NF1: variants seen among roughly 807,000 people sequenced by gnomAD.
The protein encoded by NF1 is neurofibromin 1.
In NF1, 122 loss-of-function variants were observed where a neutral mutation model predicts 325.7. The observed-to-expected ratio is 0.37, with a 90% CI of 0.32 to 0.44. NF1 has a LOEUF of 0.44. Among genes scored for constraint, NF1 ranks in the 20% least tolerant of loss-of-function variants. The probability of loss-of-function intolerance (pLI) is 1.00; values close to 1 mark genes in which losing one functional copy is unlikely to be tolerated. For missense variants in NF1, 2,140 were observed against 3,415.4 expected, an observed-to-expected ratio of 0.63 and a Z score of 9.31; for synonymous variants, 1,091 against 1,186.0, an observed-to-expected ratio of 0.92 and a Z score of 1.65.
rs148228747 is a variant in NF1 at position 31,186,411 on chromosome 17, A to G, written c.888+3746A>G. Among the ~76,000 whole-genome samples, 1,028 of 152,324 alleles carry G rather than the reference A, an allele frequency of 6.7e-3. 17 individuals carry two copies. The highest frequency in any genetic ancestry group is 0.023 in the African/African-American group (963 of 41,576). ...CCCTGAAGCATAGTGGTGAAGGGGA[A>G]TCTTCCCAGTGGGCAGAACTTTGAG... On this transcript the variant is annotated intron_variant, in intron 8 of 57. Coordinates refer to ENST00000358273, the MANE Select transcript of NF1 (RefSeq NM_001042492.3).
At chr17:31,204,524 A>T (rs944330304) in intron 11 of NF1, among the ~76,000 whole-genome samples, 2 of 152,084 alleles carry the variant, frequency 1.3e-5, no homozygotes, top group Non-Finnish European at 2.9e-5. Context: ...CAACCACATG[A>T]TGTCTAGTTT....
chr17:31,141,848 C>G (rs1313622070), intron 1 of NF1, among the ~76,000 whole-genome samples: 1 of 152,130 alleles, frequency 6.6e-6, no homozygotes, highest in Non-Finnish European at 1.5e-5. Flanking sequence ...GACTTAATTC[C>G]GTTTCTTGTG....
intron 29 of NF1, among the ~76,000 whole-genome samples, chr17:31,246,754 G>GA (rs1165443735): frequency 6.6e-6 from 1 of 152,086 alleles, no homozygotes; most frequent in Non-Finnish European, 1.5e-5. Flanking sequence ...TTATTGATGA[G>GA]AAAAAATGAC....
intron 8 of NF1, among the ~76,000 whole-genome samples, chr17:31,192,800 G>A (rs928311957): frequency 2.0e-5 from 3 of 152,136 alleles, no homozygotes; most frequent in Admixed American, 6.5e-5. Flanking sequence ...GAGTCAGATT[G>A]AAAAGTAAGT....
chr17:31,218,567 C>CTTTTTTCT (rs1015906893), intron 13 of NF1, among the ~76,000 whole-genome samples: 1 of 149,048 alleles, frequency 6.7e-6, no homozygotes, highest in Non-Finnish European at 1.5e-5. Context: ...TCTTTTTTTT[C>CTTTTTTCT]TTTTTTCTTT....
intron 36 of NF1, chr17:31,295,457 A>G (rs1238372879): frequency 6.2e-7 from 1 of 1,614,132 alleles, no homozygotes; most frequent in Admixed American, 1.7e-5. Context: ...TACCACACTC[A>G]GAGAGTTAAT....
intron 8 of NF1, among the ~76,000 whole-genome samples, chr17:31,198,538 G>A (rs1464692609): frequency 6.6e-6 from 1 of 151,656 alleles, no homozygotes; most frequent in Non-Finnish European, 1.5e-5. Context: ...CAAATTGTTG[G>A]CATACAGTTT....
At chr17:31,365,430 C>G (rs1333930851) in intron 57 of NF1, among the ~76,000 whole-genome samples, 1 of 151,870 alleles carries the variant, frequency 6.6e-6, no homozygotes, top group Non-Finnish European at 1.5e-5. Context: ...ATTTGAATAC[C>G]TGTTTTGTAG....
chr17:31,178,987 G>A (rs977693421), intron 5 of NF1, among the ~76,000 whole-genome samples: 4 of 152,134 alleles, frequency 2.6e-5, no homozygotes, highest in African/African-American at 9.7e-5. Context: ...ATATCCAGGA[G>A]TTGAACTCAG....
chr17:31,111,755 A>G (rs965285745), intron 1 of NF1, among the ~76,000 whole-genome samples: 1 of 152,182 alleles, frequency 6.6e-6, no homozygotes, highest in Non-Finnish European at 1.5e-5. Flanking sequence ...TACTGAAGGA[A>G]GTTTTTTAGG....
chr17:31,364,220 G>A (rs1447767910), intron 57 of NF1, among the ~76,000 whole-genome samples: 1 of 152,154 alleles, frequency 6.6e-6, no homozygotes, highest in Non-Finnish European at 1.5e-5. Context: ...GAAGTTCTCT[G>A]TCATTCCCCG....
In NF1 at chr17:31,340,502, C is replaced by T. The variant is rs876659438; in HGVS notation, c.6922-3C>T. ...CTAGCCTCAAACATATCTTCTTTGCCAGGACTCGCCTCTGCACAAAGCCCT... is the reference window on the plus strand; with the variant it reads ...CTAGCCTCAAACATATCTTCTTTGCTAGGACTCGCCTCTGCACAAAGCCCT... On this transcript the variant is annotated splice_region_variant and splice_polypyrimidine_tract_variant and intron_variant, in intron 46 of 57. Transcript: ENST00000358273. The T allele has an allele frequency of 1.9e-6, 3 of 1,614,134 alleles. No individual in the cohort carries two copies. The highest frequency in any genetic ancestry group is 2.5e-6 in the Non-Finnish European group (3 of 1,180,014).
chr17:31,121,395 C>CCTTTTTTTTTTTTTT (rs1914416678), intron 1 of NF1, among the ~76,000 whole-genome samples: 1 of 92,528 alleles, frequency 1.1e-5, no homozygotes, highest in Admixed American at 1.2e-4. Context: ...AATCACTATT[C>CCTTTTTTTTTTTTTT]TTTTTTTTTT....
At chr17:31,210,572 C>T (rs1304548709) in intron 12 of NF1, among the ~76,000 whole-genome samples, 3 of 152,002 alleles carry the variant, frequency 2.0e-5, no homozygotes, top group Non-Finnish European at 4.4e-5. Flanking sequence ...GGCAACGGAG[C>T]GAGACTCTGT....
intron 57 of NF1, 127 bp downstream of exon 57, chr17:31,360,830 C>G (rs768523724): frequency 1.2e-5 from 10 of 812,680 alleles, no homozygotes; most frequent in African/African-American, 1.0e-4. Context: ...TACATTTCTT[C>G]TTTACCTTGT....
At chr17:31,325,233 TTCAG>T (rs2069311761) in intron 36 of NF1, among the ~76,000 whole-genome samples, 1 of 152,204 alleles carries the variant, frequency 6.6e-6, no homozygotes, top group African/African-American at 2.4e-5. Flanking sequence ...GCTCCTTCTC[TTCAG>T]TCTTTTGGGA....
In NF1 at chr17:31,335,127, T is replaced by C. The variant is rs1471895677; in HGVS notation, c.6006+96T>C. 3.9e-6 allele frequency: 4 copies of C among 1,035,952 alleles called. No individual in the cohort carries two copies. In the Admixed American group the frequency reaches 8.3e-5, roughly 22 times the overall value. The allele number at this position is 1,035,952 out of a possible 1,614,324, so 64.2% of individuals were successfully genotyped here. ...AAAGCACTGCGCTAGACACTAGGGATAGAGTTGTAAAAAACACAGTTTCCT... is the reference window on the plus strand; with the variant it reads ...AAAGCACTGCGCTAGACACTAGGGACAGAGTTGTAAAAAACACAGTTTCCT... On this transcript the variant is annotated intron_variant, in intron 40 of 57. Coordinates refer to ENST00000358273, the MANE Select transcript of NF1 (RefSeq NM_001042492.3).
chr17:31,219,900 C>G (rs2066892660), intron 14 of NF1, among the ~76,000 whole-genome samples: 1 of 152,038 alleles, frequency 6.6e-6, no homozygotes, highest in Non-Finnish European at 1.5e-5. Context: ...TATTTTCTTC[C>G]TTTTTATTGC....
intron 1 of NF1, among the ~76,000 whole-genome samples, chr17:31,154,414 C>A (rs1028174253): frequency 2.6e-5 from 4 of 151,844 alleles, no homozygotes; most frequent in African/African-American, 7.3e-5. Context: ...TTTATGAAAC[C>A]CTAGTTCAAG....
Sources: allele counts gnomAD v4.1 joint callset (sites outside exome capture counted in the v4.1 genomes callset), GRCh38; gene constraint gnomAD v4.1.1; transcripts MANE v1.5; gene names NCBI Gene and HGNC (gene_info 2026-07-23, HGNC 2026-07-21).